SHISA9: variants seen among roughly 807,000 people sequenced by gnomAD.
SHISA9 encodes protein shisa-9.
A neutral mutation model predicts 38.0 loss-of-function variants in SHISA9; 13 were observed. The ratio of observed to expected loss-of-function variants is 0.34; its 90% CI spans 0.22 to 0.54. SHISA9 has a LOEUF of 0.54. Ranked by LOEUF, SHISA9 falls within the 20% of genes least tolerant of loss-of-function variation. SHISA9 has a pLI of 0.91. For synonymous variants in SHISA9, 275 were observed against 242.0 expected (o/e 1.14, Z -1.27); for missense variants, 538 against 575.8 (o/e 0.93, Z 0.67).
At chr16:13,290,811 A>G in the SHISA9 span, among the ~76,000 whole-genome samples, 1 of 152,162 alleles carries the variant, frequency 6.6e-6, no homozygotes, top group Non-Finnish European at 1.5e-5. Context: ...TTGCTTCTCC[A>G]ACCTGCTCAT....
chr16:13,084,098 TAA>T (rs34129914), intron 2 of SHISA9, among the ~76,000 whole-genome samples: 3 of 151,576 alleles, frequency 2.0e-5, no homozygotes, highest in East Asian at 1.9e-4. Context: ...CATAGTTTTC[TAA>T]AAAAAAAGAA....
At chr16:13,215,081 G>C (rs1250183169) in intron 4 of SHISA9, among the ~76,000 whole-genome samples, 1 of 152,178 alleles carries the variant, frequency 6.6e-6, no homozygotes, top group Non-Finnish European at 1.5e-5. Context: ...ACTGAGGTGG[G>C]TAGAGGATGG....
chr16:13,413,274 A>T, the SHISA9 span, among the ~76,000 whole-genome samples: 55 of 152,222 alleles, frequency 3.6e-4, no homozygotes, highest in Non-Finnish European at 6.3e-4. Context: ...GCCTGTCACT[A>T]AATTTAACCT....
chr16:13,450,804 CTTT>C, the SHISA9 span, among the ~76,000 whole-genome samples: 1 of 152,166 alleles, frequency 6.6e-6, no homozygotes, highest in Non-Finnish European at 1.5e-5. Flanking sequence ...TTGTTTTCTT[CTTT>C]AACATGTGCT....
chr16:13,019,843 C>CTTT (rs2072810793), intron 2 of SHISA9, among the ~76,000 whole-genome samples: 10 of 65,992 alleles, frequency 1.5e-4, no homozygotes, highest in East Asian at 5.8e-4. Flanking sequence ...TTTTTCCTTC[C>CTTT]TTCCCTCCCT....
the SHISA9 span, among the ~76,000 whole-genome samples, chr16:13,301,346 C>A: frequency 2.0e-5 from 3 of 152,206 alleles, no homozygotes; most frequent in Non-Finnish European, 4.4e-5. Flanking sequence ...AATGTAGTTT[C>A]TGATTCACTG....
At chr16:13,446,986 GAA>G in the SHISA9 span, among the ~76,000 whole-genome samples, 26 of 121,764 alleles carry the variant, frequency 2.1e-4, no homozygotes, top group South Asian at 1.3e-3. Flanking sequence ...TCTCAAAAAA[GAA>G]AAAAAAAAAA....
the SHISA9 span, among the ~76,000 whole-genome samples, chr16:13,481,056 A>G: frequency 2.0e-5 from 3 of 152,202 alleles, no homozygotes; most frequent in Non-Finnish European, 4.4e-5. Context: ...ACAAAGCTGG[A>G]AAGACACCAA....
the SHISA9 span, among the ~76,000 whole-genome samples, chr16:13,546,311 C>G: frequency 1.3e-5 from 2 of 152,164 alleles, no homozygotes; most frequent in Non-Finnish European, 2.9e-5. Flanking sequence ...TACAGAGTGA[C>G]AATTTTTAAA....
the SHISA9 span, among the ~76,000 whole-genome samples, chr16:13,523,912 C>G: frequency 6.6e-6 from 1 of 152,150 alleles, no homozygotes; most frequent in Non-Finnish European, 1.5e-5. Context: ...ATGCATTGTC[C>G]TCTTTGATCC....
intron 2 of SHISA9, among the ~76,000 whole-genome samples, chr16:12,987,784 A>C (rs1190405236): frequency 6.6e-6 from 1 of 152,208 alleles, no homozygotes; most frequent in South Asian, 2.1e-4. Context: ...TAGAGCTGCC[A>C]TTTTGTTGAG....
intron 2 of SHISA9, among the ~76,000 whole-genome samples, chr16:13,196,709 G>T (rs2050946853): frequency 6.6e-6 from 1 of 152,206 alleles, no homozygotes; most frequent in Non-Finnish European, 1.5e-5. Context: ...TAGGGAAACT[G>T]GGTCTGGAGG....
the SHISA9 span, among the ~76,000 whole-genome samples, chr16:13,402,203 A>G: frequency 2.0e-5 from 3 of 152,214 alleles, no homozygotes; most frequent in African/African-American, 4.8e-5. Context: ...GAAGTCCCAC[A>G]ACATGCTGTC....
chr16:13,533,945 A>G, the SHISA9 span, among the ~76,000 whole-genome samples: 2 of 151,758 alleles, frequency 1.3e-5, no homozygotes, highest in Non-Finnish European at 2.9e-5. Context: ...CACTGCGCCC[A>G]GCTAATTTTT....
chr16:13,430,528 T>G, the SHISA9 span, among the ~76,000 whole-genome samples: 1 of 152,178 alleles, frequency 6.6e-6, no homozygotes, highest in South Asian at 2.1e-4. Flanking sequence ...CGGTGGGTTT[T>G]CAGACGTAAT....
intron 2 of SHISA9, among the ~76,000 whole-genome samples, chr16:13,045,458 A>G (rs1427387777): frequency 6.6e-6 from 1 of 152,176 alleles, no homozygotes; most frequent in East Asian, 1.9e-4. Flanking sequence ...TAAGTAGTAC[A>G]GATAGGTTCA....
intron 2 of SHISA9, among the ~76,000 whole-genome samples, chr16:13,103,892 G>C (rs961903641): frequency 1.3e-4 from 20 of 152,130 alleles, no homozygotes; most frequent in African/African-American, 4.6e-4. Context: ...GATTTCCAGA[G>C]CATTGGAAAG....
chr16:13,472,959 C>T, the SHISA9 span, among the ~76,000 whole-genome samples: 31 of 152,252 alleles, frequency 2.0e-4, no homozygotes, highest in East Asian at 5.8e-3. Flanking sequence ...ACATCTAGGC[C>T]AGTGCTGGAT....
chr16:13,429,767 A>G, the SHISA9 span, among the ~76,000 whole-genome samples: 2 of 152,208 alleles, frequency 1.3e-5, no homozygotes, highest in Non-Finnish European at 2.9e-5. Flanking sequence ...GTGCTTGGTT[A>G]TTTATGAATT....
Sources: gnomAD v4.1 joint callset for allele counts (sites outside exome capture counted in the v4.1 genomes callset) on GRCh38, gnomAD v4.1.1 for gene constraint, MANE v1.5 for transcripts, NCBI Gene and HGNC (gene_info 2026-07-23, HGNC 2026-07-21) for gene names.